Variants in USP26 observed in about 807,000 individuals in gnomAD.
USP26 encodes the protein ubiquitin carboxyl-terminal hydrolase 26.
For synonymous variants in USP26, 236 were observed against 240.6 expected (o/e 0.98, Z 0.18); for missense variants, 649 against 642.3 (o/e 1.01, Z -0.11).
intron 5 of USP26, among the ~76,000 whole-genome samples, chrX:133,044,214 GGCAGCCCTC>G (rs1220271818): frequency 1.8e-5 from 2 of 113,190 alleles, no homozygotes; most frequent in African/African-American, 3.2e-5. Flanking sequence ...ACAGCATGCT[GGCAGCCCTC>G]GCAGCCCTCG....
intron 4 of USP26, among the ~76,000 whole-genome samples, chrX:133,089,586 A>G (rs1181955095): frequency 1.8e-5 from 2 of 111,801 alleles, no homozygotes; most frequent in Non-Finnish European, 3.8e-5. Context: ...AATGTGCAAT[A>G]CCTGAGAAAG....
At chrX:133,045,593 A>G (rs183902679) in intron 5 of USP26, among the ~76,000 whole-genome samples, 185 of 111,927 alleles carry the variant, frequency 1.7e-3, no homozygotes, top group Middle Eastern at 4.6e-3. Context: ...CATCAAGACC[A>G]CGAACCCACC....
intron 5 of USP26, among the ~76,000 whole-genome samples, chrX:133,081,167 C>T (rs1376180430): frequency 3.6e-5 from 4 of 110,325 alleles, no homozygotes; most frequent in East Asian, 2.8e-4. Context: ...CTAATAAATT[C>T]GTAGTTAAAA....
Position 133,026,287 on chromosome X carries a change from T to C in USP26, c.1934A>G (p.Asp645Gly), listed in dbSNP as rs769493617. 7 of 1,208,518 alleles carry C rather than the reference T, an allele frequency of 5.8e-6. No homozygotes were observed. In the South Asian group the frequency reaches 1.2e-4, roughly 21 times the overall value. Reference sequence around the variant, plus strand: ...CGGTTCTTTTTCAATGAATGCTCGATCTCCTGAGTATACAGATTCTAGCTC... The same window carrying C: ...CGGTTCTTTTTCAATGAATGCTCGACCTCCTGAGTATACAGATTCTAGCTC... ...PNELESVYSGDRAFIEKEPLA... is the reference protein window; with the variant it reads ...PNELESVYSGGRAFIEKEPLA... The change falls in exon 6 of 6, where the codon GAT becomes GGT. Residue 645 changes from aspartate to glycine, a missense_variant. Transcript: ENST00000511190.
rs1208290550 is a variant in USP26, at chrX:133,028,109, GTCTA to G, written c.108_111del (p.Arg37TrpfsTer15). 7.4e-6 allele frequency: 9 copies of G among 1,209,679 alleles called. No individual in the cohort carries two copies. The highest frequency in any genetic ancestry group is 3.0e-5 in the East Asian group (1 of 33,786). On this transcript the variant is annotated frameshift_variant, in exon 6 of 6. Coordinates refer to ENST00000511190, the MANE Select transcript of USP26 (RefSeq NM_031907.3). LOFTEE classifies it low-confidence loss of function (END_TRUNC). ...TTTCCACTTTTGAAATACAGCACCA[GTCTA>G]TCTTTCTTCTTTCTTTCCACTGCTT... is the stretch of plus-strand genomic sequence containing the variant.
intron 1 of USP26, among the ~76,000 whole-genome samples, chrX:133,096,827 G>A (rs1173410920): frequency 4.5e-5 from 5 of 111,741 alleles, no homozygotes; most frequent in Middle Eastern, 4.2e-3. Flanking sequence ...CCCAGGAGGC[G>A]GAGGTTGCAA....
chrX:133,028,244 C>T lies in USP26; in HGVS notation c.-24G>A, dbSNP rs200776284. 3.2e-5 allele frequency: 38 copies of T among 1,205,539 alleles called. No homozygotes were observed. The highest frequency in any genetic ancestry group is 3.1e-4 in the African/African-American group (18 of 57,213). ...ATGTTTTCTTTACAAATAAAATATA[C>T]GTATCTCCGATTATTGATAATCTTG... On this transcript the variant is annotated 5_prime_UTR_variant, in exon 6 of 6. Coordinates refer to ENST00000511190, the MANE Select transcript of USP26 (RefSeq NM_031907.3).
chrX:133,071,568 T>C (rs751722545), intron 5 of USP26, among the ~76,000 whole-genome samples: 4 of 109,852 alleles, frequency 3.6e-5, no homozygotes, highest in African/African-American at 1.3e-4. Flanking sequence ...AACCCAACAA[T>C]AAAGTAAAAC....
intron 5 of USP26, among the ~76,000 whole-genome samples, chrX:133,029,769 A>G (rs1476260060): frequency 9.0e-6 from 1 of 111,715 alleles, no homozygotes; most frequent in Non-Finnish European, 1.9e-5. Context: ...CCCTCTTGAT[A>G]TTTCTTCTCT....
At chrX:133,073,336 T>TA (rs748725340) in intron 5 of USP26, among the ~76,000 whole-genome samples, 13 of 74,868 alleles carry the variant, frequency 1.7e-4, no homozygotes, top group South Asian at 9.0e-4. Flanking sequence ...TTCATGGGAC[T>TA]AAAAAAAAAA....
In USP26 at chrX:133,065,597, T is replaced by A. The variant is rs187279264; in HGVS notation, c.-77+18110A>T. ...TACCCAAAACAATAAATGTACTCCA[T>A]CACATAAACAGAACCAATGACAAAA... On this transcript the variant is annotated intron_variant, in intron 5 of 5. Transcript: ENST00000511190. 2.2e-3 allele frequency among the ~76,000 whole-genome samples: 248 copies of A among 111,685 alleles called. 2 individuals are homozygous for A. The highest frequency in any genetic ancestry group is 7.5e-3 in the African/African-American group (232 of 30,749).
At chrX:133,067,199 G>A (rs2067514868) in intron 5 of USP26, among the ~76,000 whole-genome samples, 1 of 112,419 alleles carries the variant, frequency 8.9e-6, no homozygotes, top group African/African-American at 3.2e-5. Context: ...CAATTAGAAT[G>A]GCAATCTTTA....
Position 133,071,387 on chromosome X carries a change from A to T in USP26, c.-77+12320T>A, listed in dbSNP as rs140153280. 4.2e-4 allele frequency among the ~76,000 whole-genome samples: 47 copies of T among 111,118 alleles called. No homozygotes were observed. The East Asian group carries it at 0.012, about 29-fold the overall frequency. On this transcript the variant is annotated intron_variant, in intron 5 of 5. Coordinates refer to ENST00000511190, the MANE Select transcript of USP26 (RefSeq NM_031907.3). Reference sequence around the variant, plus strand: ...AAATGTTTTCAGTACAGCCTATAATAACATAAACACTTTAAATCTGATTTA... The same window carrying T: ...AAATGTTTTCAGTACAGCCTATAATTACATAAACACTTTAAATCTGATTTA...
intron 5 of USP26, 53 bp from the exon 6 acceptor site, chrX:133,028,349 C>A (rs1445540986): frequency 3.0e-5 from 24 of 803,841 alleles, no homozygotes; most frequent in Non-Finnish European, 5.4e-6. Context: ...ACAGAATGAT[C>A]CTATTTCTAG....
rs143990281 is a variant in USP26 at position 133,083,437 on chromosome X, T to C, written c.-77+270A>G. 2.1e-4 allele frequency among the ~76,000 whole-genome samples: 14 copies of C among 65,327 alleles called. No individual in the cohort carries two copies. In the East Asian group the frequency reaches 6.8e-3, roughly 32 times the overall value. 56.7% of individuals were successfully genotyped at this position (65,327 alleles called of 115,157 possible). A position where few individuals can be genotyped will look rare whatever the true frequency, so the allele number is the denominator to read the frequency against. On this transcript the variant is annotated intron_variant, in intron 5 of 5. Coordinates refer to ENST00000511190, the MANE Select transcript of USP26 (RefSeq NM_031907.3). ...TGACCAGGCGTGTAGGGTGACTTCG[T>C]TTTGATCAAAAATCCAAGGAAACAG...
rs113245476 is a variant in USP26 at position 133,023,896 on chromosome X, G to C, written c.*1583C>G. On this transcript the variant is annotated 3_prime_UTR_variant, in exon 6 of 6. Coordinates refer to ENST00000511190, the MANE Select transcript of USP26 (RefSeq NM_031907.3). Reference sequence around the variant, plus strand: ...TACTGAAGCCATACCCCATATACAAGGGGGCATATTCCTATTGGTAAAGGT... The same window carrying C: ...TACTGAAGCCATACCCCATATACAACGGGGCATATTCCTATTGGTAAAGGT... 0.034 allele frequency among the ~76,000 whole-genome samples: 3,815 copies of C among 111,608 alleles called. 98 individuals carry two copies. The highest frequency in any genetic ancestry group is 0.1 in the East Asian group (351 of 3,498).
At chrX:133,036,820 C>G (rs2067397499) in intron 5 of USP26, among the ~76,000 whole-genome samples, 1 of 112,435 alleles carries the variant, frequency 8.9e-6, no homozygotes, top group South Asian at 3.7e-4. Flanking sequence ...TCCTATTTCT[C>G]TGCATCCTTG....
intron 5 of USP26, among the ~76,000 whole-genome samples, chrX:133,040,535 T>G (rs1284434977): frequency 8.9e-6 from 1 of 112,006 alleles, no homozygotes; most frequent in African/African-American, 3.2e-5. Flanking sequence ...CTTTTCTGGC[T>G]TGTAGGGTTT....
At chrX:133,057,767 C>T (rs1251426251) in intron 5 of USP26, among the ~76,000 whole-genome samples, 2 of 94,670 alleles carry the variant, frequency 2.1e-5, no homozygotes, top group East Asian at 6.3e-4. Flanking sequence ...TGTTTAATCA[C>T]CAAATGTTTT....
Sources: allele counts gnomAD v4.1 joint callset (sites outside exome capture counted in the v4.1 genomes callset), GRCh38; gene constraint gnomAD v4.1.1; transcripts MANE v1.5; gene names NCBI Gene and HGNC (gene_info 2026-07-23, HGNC 2026-07-21).